Variants in GPLD1 observed in about 807,000 individuals in gnomAD.
GPLD1 encodes phosphatidylinositol-glycan-specific phospholipase D.
In GPLD1, 84 loss-of-function variants were observed where a neutral mutation model predicts 112.6. That is an observed-to-expected ratio of 0.75 (90% confidence interval 0.63 to 0.89). The LOEUF is 0.89. GPLD1 is among the 40% of genes least tolerant of loss of function. The pLI, the probability that GPLD1 is intolerant of heterozygous loss-of-function variation, is 0.00. For missense variants in GPLD1, 1,044 were observed against 1,051.5 expected, an observed-to-expected ratio of 0.99 and a Z score of 0.10; for synonymous variants, 386 against 403.8, an observed-to-expected ratio of 0.96 and a Z score of 0.53.
In GPLD1 at chr6:24,483,561, C is replaced by T. The variant is rs367623087; in HGVS notation, c.153+2514G>A. Reference sequence around the variant, plus strand: ...GGGCATGGTGGTGCACGCCTGTATTCCCAGCTACCAGGAGGCTGAGGCAGG... The same window carrying T: ...GGGCATGGTGGTGCACGCCTGTATTTCCAGCTACCAGGAGGCTGAGGCAGG... On this transcript the variant is annotated intron_variant, in intron 2 of 24. Coordinates refer to ENST00000230036, the MANE Select transcript of GPLD1 (RefSeq NM_001503.4). 5.9e-5 allele frequency among the ~76,000 whole-genome samples: 9 copies of T among 151,856 alleles called. 1 individual carries two copies. The highest frequency in any genetic ancestry group is 2.2e-4 in the African/African-American group (9 of 41,450).
At chr6:24,455,809 G>A (rs1763246704) in intron 13 of GPLD1, among the ~76,000 whole-genome samples, 1 of 152,108 alleles carries the variant, frequency 6.6e-6, no homozygotes, top group African/African-American at 2.4e-5. Context: ...TAAACCGAAA[G>A]TTCCTTGTAT....
intron 3 of GPLD1, among the ~76,000 whole-genome samples, chr6:24,477,673 T>C (rs1259348843): frequency 1.3e-5 from 2 of 152,058 alleles, no homozygotes; most frequent in Non-Finnish European, 2.9e-5. Flanking sequence ...GAGGCTGTAA[T>C]GAGCTGTGAT....
intron 7 of GPLD1, among the ~76,000 whole-genome samples, chr6:24,470,066 C>G (rs116756563): frequency 6.6e-6 from 1 of 152,152 alleles, no homozygotes; most frequent in Non-Finnish European, 1.5e-5. Flanking sequence ...AATGGGACAA[C>G]CAGCTTTTGC....
upstream of GPLD1, among the ~76,000 whole-genome samples, chr6:24,494,012 G>A (rs1452213767): frequency 1.3e-5 from 2 of 152,206 alleles, no homozygotes; most frequent in Non-Finnish European, 2.9e-5. Context: ...TTAAGCCCAA[G>A]TCTAATTTTT....
chr6:24,455,760 A>G (rs1024601469), intron 13 of GPLD1, among the ~76,000 whole-genome samples: 1 of 152,226 alleles, frequency 6.6e-6, no homozygotes, highest in South Asian at 2.1e-4. Flanking sequence ...GCTTTACAAA[A>G]ATTCCATGAA....
At chr6:24,472,702 C>A in intron 6 of GPLD1, 66 bp from the exon 7 acceptor site, 1 of 856,098 alleles carries the variant, frequency 1.2e-6, no homozygotes, top group Non-Finnish European at 2.0e-6. Context: ...ATCTATTCAA[C>A]ATGAGGTCTG....
chr6:24,494,687 A>ACAG (rs1446385835), intron 1 of GPLD1, among the ~76,000 whole-genome samples: 6 of 152,284 alleles, frequency 3.9e-5, no homozygotes, highest in Non-Finnish European at 1.5e-5. Context: ...TGAAAAGGTG[A>ACAG]CAGCAGTCCG....
chr6:24,435,978 C>G (rs1471688194), intron 22 of GPLD1: 1 of 147,782 alleles, frequency 6.8e-6, no homozygotes. Context: ...AGTGGCTGGC[C>G]GAGCATGGTG....
chr6:24,451,402 G>GCACGA, intron 14 of GPLD1, among the ~76,000 whole-genome samples: 3 of 152,252 alleles, frequency 2.0e-5, no homozygotes, highest in Non-Finnish European at 4.4e-5. Flanking sequence ...GAGTGCAATA[G>GCACGA]TGCTTGGCTC....
At chr6:24,445,494 A>C (rs1762880931) in intron 20 of GPLD1, 52 bp downstream of exon 20, 1 of 1,208,776 alleles carries the variant, frequency 8.3e-7, no homozygotes, top group East Asian at 2.3e-5. Context: ...TACGACATGT[A>C]CAAGCAGCCA....
intron 20 of GPLD1, among the ~76,000 whole-genome samples, chr6:24,444,303 C>T (rs1172473169): frequency 2.0e-5 from 3 of 151,976 alleles, no homozygotes; most frequent in African/African-American, 7.3e-5. Context: ...AGAATATTTA[C>T]TAACATGAGA....
chr6:24,453,993 A>C, intron 14 of GPLD1, 22 bp downstream of exon 14: 1 of 1,529,812 alleles, frequency 6.5e-7, no homozygotes, highest in Non-Finnish European at 9.0e-7. Flanking sequence ...ACTAGAAGAG[A>C]AAGGATGAGA....
rs1489988150 is a variant in GPLD1 at position 24,425,950 on chromosome 6, T to C, written c.*3082A>G. The C allele has an allele frequency of 6.6e-6, 1 of 152,212 alleles. No individual in the cohort carries two copies. The highest frequency in any genetic ancestry group is 6.5e-5 in the Admixed American group (1 of 15,278). The allele number at this position is 152,212 out of a possible 1,614,324, so 9.4% of individuals were successfully genotyped here. On this transcript the variant is annotated 3_prime_UTR_variant, in exon 25 of 25. Transcript: ENST00000230036. ...GATTTAACTCTCATGACTTTAGTAA[T>C]ACCTACAGAGGTGAGCTAATGGATG...
downstream of GPLD1, chr6:24,424,034 A>G (rs905645877): frequency 1.3e-4 from 21 of 163,978 alleles, no homozygotes; most frequent in Non-Finnish European, 1.6e-4. Flanking sequence ...AATGAAGCGT[A>G]GGAACTTGAC....
chr6:24,440,533 C>T (rs1196486697), intron 20 of GPLD1, among the ~76,000 whole-genome samples: 2 of 133,300 alleles, frequency 1.5e-5, no homozygotes, highest in African/African-American at 5.5e-5. Context: ...ATGAAGATGT[C>T]AAGAAGATCT....
chr6:24,484,443 T>C (rs1764306748), intron 2 of GPLD1, among the ~76,000 whole-genome samples: 1 of 151,874 alleles, frequency 6.6e-6, no homozygotes, highest in Non-Finnish European at 1.5e-5. Flanking sequence ...CTCAAACTCC[T>C]GACCTCACGT....
chr6:24,468,589 T>C (rs1262493558), intron 7 of GPLD1, among the ~76,000 whole-genome samples: 1 of 151,946 alleles, frequency 6.6e-6, no homozygotes, highest in African/African-American at 2.4e-5. Flanking sequence ...AGTCTCACTC[T>C]GTCACCCAGG....
chr6:24,450,714 T>G (rs921033558), intron 14 of GPLD1, among the ~76,000 whole-genome samples: 2 of 151,898 alleles, frequency 1.3e-5, no homozygotes, highest in African/African-American at 4.8e-5. Flanking sequence ...CAGTGGCTTA[T>G]GCCTGTAATC....
intron 21 of GPLD1, 88 bp downstream of exon 21, chr6:24,437,025 A>G (rs1762600334): frequency 8.4e-7 from 1 of 1,184,106 alleles, no homozygotes; most frequent in Non-Finnish European, 1.2e-6. Flanking sequence ...GTCAATTATA[A>G]GGGCAGAGCC....
Sources: gnomAD v4.1 joint callset for allele counts (sites outside exome capture counted in the v4.1 genomes callset) on GRCh38, gnomAD v4.1.1 for gene constraint, MANE v1.5 for transcripts, NCBI Gene and HGNC (gene_info 2026-07-23, HGNC 2026-07-21) for gene names.